Variants in BRF1 observed in about 807,000 individuals in gnomAD.
BRF1 encodes the protein BRF1 general transcription factor IIIB subunit.
In BRF1, 59 loss-of-function variants were observed where a neutral mutation model predicts 81.7. That is an observed-to-expected ratio of 0.72 (90% CI 0.59 to 0.90). The LOEUF (loss-of-function observed/expected upper bound fraction) is 0.90, where lower values mean the gene tolerates loss of function less well. Among genes scored for constraint, BRF1 ranks in the 40% least tolerant of loss-of-function variants. The probability of loss-of-function intolerance (pLI) is 0.00; values close to 1 mark genes in which losing one functional copy is unlikely to be tolerated. For missense variants in BRF1, 1,050 were observed against 936.3 expected (o/e 1.12, Z -1.58); for synonymous variants, 491 against 395.6 (o/e 1.24, Z -2.86).
At chr14:105,267,885 G>A (rs963409953) in intron 3 of BRF1, among the ~76,000 whole-genome samples, 1 of 152,356 alleles carries the variant, frequency 6.6e-6, no homozygotes, top group Non-Finnish European at 1.5e-5. Context: ...CTGAACGGAC[G>A]GTTCTGCAGC....
At chr14:105,226,048 G>A (rs993017742) in intron 10 of BRF1, 21 bp downstream of exon 10, 1 of 1,605,968 alleles carries the variant, frequency 6.2e-7, no homozygotes, top group Non-Finnish European at 8.5e-7. Flanking sequence ...TCTGAATAGG[G>A]GCCGGGCACA....
intron 17 of BRF1, 100 bp downstream of exon 17, chr14:105,211,022 T>G (rs1890030398): frequency 6.6e-7 from 1 of 1,510,620 alleles, no homozygotes; most frequent in African/African-American, 1.4e-5. Context: ...AAACAGAAAT[T>G]TAGTTTGAAG....
intron 3 of BRF1, among the ~76,000 whole-genome samples, chr14:105,260,578 G>A (rs773227457): frequency 4.6e-5 from 7 of 152,012 alleles, no homozygotes; most frequent in African/African-American, 7.3e-5. Context: ...GTTTCACCAT[G>A]TTGGCCGAGC....
At chr14:105,247,154 G>C (rs990156567) in intron 5 of BRF1, 6 of 985,494 alleles carry the variant, frequency 6.1e-6, no homozygotes, top group Non-Finnish European at 7.2e-6. Flanking sequence ...CCCACACTAT[G>C]AAATCGCAGC....
At chr14:105,287,066 C>T (rs1206322631) in intron 1 of BRF1, among the ~76,000 whole-genome samples, 2 of 152,234 alleles carry the variant, frequency 1.3e-5, no homozygotes, top group Non-Finnish European at 2.9e-5. Context: ...CAGAAGGCCC[C>T]CACGCCTCAG....
intron 6 of BRF1, among the ~76,000 whole-genome samples, 156 bp downstream of exon 6, chr14:105,241,109 A>G (rs1241942466): frequency 2.0e-5 from 3 of 152,264 alleles, no homozygotes; most frequent in Non-Finnish European, 4.4e-5. Flanking sequence ...AGGGCTGAGG[A>G]CCCCGGTGGG....
At chr14:105,242,688 T>C (rs587757014) in intron 5 of BRF1, 8 of 121,982 alleles carry the variant, frequency 6.6e-5, no homozygotes, top group African/African-American at 2.6e-4. Context: ...TGAGCTGAGA[T>C]CGCAGCATTG....
chr14:105,312,025 G>A (rs953353226), intron 1 of BRF1, among the ~76,000 whole-genome samples: 3 of 152,334 alleles, frequency 2.0e-5, no homozygotes, highest in Admixed American at 6.5e-5. Flanking sequence ...GGCTGGAGCC[G>A]CCAACTGACC....
intron 2 of BRF1, among the ~76,000 whole-genome samples, chr14:105,278,053 A>C (rs1036560985): frequency 6.6e-6 from 1 of 152,168 alleles, no homozygotes; most frequent in Non-Finnish European, 1.5e-5. Flanking sequence ...GTGCCTGGCC[A>C]AATATGTTAT....
Position 105,211,193 on chromosome 14 carries a change from G to A in BRF1, c.1925C>T (p.Ala642Val). The A allele has an allele frequency of 2.5e-6, 4 of 1,611,982 alleles. No individual in the cohort carries two copies. Among genetic ancestry groups the A allele is most frequent in the Non-Finnish European group, 3.4e-6 (4 of 1,179,782 alleles). ...GPVSYHADEE[A>V]DEEEPDEEDG... ...CTCCTCGTCAGGCTCCTCCTCGTCA[G>A]CCTCCTCGTCGGCGTGGTATGACAC... Residue 642 changes from alanine to valine, a missense_variant, in exon 17 of 18, where the codon GCT (alanine) becomes GTT (valine). By Grantham distance (64) the Ala-to-Val change is moderately conservative. Around this residue, in one of 2 missense-constraint regions of BRF1, gnomAD observed 1,043 missense variants for 915.4 expected, o/e 1.14. Coordinates refer to ENST00000547530, the MANE Select transcript of BRF1 (RefSeq NM_001519.4).
intron 8 of BRF1, 24 bp downstream of exon 8, chr14:105,226,610 G>C: frequency 6.2e-7 from 1 of 1,612,492 alleles, no homozygotes; most frequent in South Asian, 1.1e-5. Flanking sequence ...GCCCAGCACA[G>C]ACAGACACCA....
At chr14:105,244,087 T>C (rs1268662017) in intron 5 of BRF1, among the ~76,000 whole-genome samples, 3 of 152,060 alleles carry the variant, frequency 2.0e-5, no homozygotes, top group African/African-American at 2.4e-5. Context: ...GGTGGGAGGA[T>C]TGCTTGAGCC....
chr14:105,302,529 T>C (rs2058071600), upstream of BRF1, among the ~76,000 whole-genome samples: 1 of 151,030 alleles, frequency 6.6e-6, no homozygotes, highest in African/African-American at 2.4e-5. Flanking sequence ...TGCTCTCATT[T>C]TTGTTAGATC....
intron 1 of BRF1, among the ~76,000 whole-genome samples, chr14:105,312,166 C>T (rs898331648): frequency 3.3e-5 from 5 of 152,218 alleles, no homozygotes; most frequent in African/African-American, 1.2e-4. Flanking sequence ...TGGCGCCCGA[C>T]TGGAAAAGCC....
intron 1 of BRF1, chr14:105,314,631 G>GC: frequency 6.9e-6 from 1 of 143,942 alleles, no homozygotes; most frequent in Admixed American, 6.8e-5. Context: ...GCGAGCTGGC[G>GC]CCCCGCCCAG....
At chr14:105,302,493 G>C (rs867200898), upstream of BRF1, among the ~76,000 whole-genome samples, 2 of 151,748 alleles carry the variant, frequency 1.3e-5, no homozygotes, top group African/African-American at 4.8e-5. Flanking sequence ...ATGAGCCACC[G>C]TGCATGGCCC....
chr14:105,221,882 C>A lies in BRF1; in HGVS notation c.1081G>T (p.Gly361Cys). 2.5e-6 allele frequency: 4 copies of A among 1,600,576 alleles called. No homozygotes were observed. Among genetic ancestry groups the A allele is most frequent in the Non-Finnish European group, 3.4e-6 (4 of 1,174,024 alleles). ...STEDTASSLC[G>C]EEDTEDEELE... is the part of the protein sequence containing the mutation. Reference sequence around the variant, plus strand: ...TCCTCGTCCTCTGTGTCCTCCTCGCCACACAAGCTGGACGCGGTGTCCTCG... The same window carrying A: ...TCCTCGTCCTCTGTGTCCTCCTCGCAACACAAGCTGGACGCGGTGTCCTCG... Residue 361 changes from glycine (G) to cysteine (C), a missense_variant, in exon 11 of 18, where the codon GGC becomes TGC. Gly to Cys is a radical substitution (Grantham distance 159, BLOSUM62 -3). Coordinates refer to ENST00000547530, the MANE Select transcript of BRF1 (RefSeq NM_001519.4).
At chr14:105,248,798 CCGGCGCGGCGCGAGGGCGCGGGGCG>C in intron 5 of BRF1, 1 of 983,128 alleles carries the variant, frequency 1.0e-6, no homozygotes, top group Non-Finnish European at 1.2e-6. Context: ...TCCCGAGGCC[CCGGCGCGGCGCGAGGGCGCGGGGCG>C]CGGCGTCCAC....
At chr14:105,229,088 T>A (rs1202515937) in intron 6 of BRF1, among the ~76,000 whole-genome samples, 175 bp from the exon 7 acceptor site, 1 of 151,376 alleles carries the variant, frequency 6.6e-6, no homozygotes, top group Non-Finnish European at 1.5e-5. Context: ...GACATGACCC[T>A]CTCTATCTTA....
Sources: allele counts gnomAD v4.1 joint callset (sites outside exome capture counted in the v4.1 genomes callset), GRCh38; gene constraint gnomAD v4.1.1; regional missense constraint gnomAD v4.1.1; transcripts MANE v1.5; gene names NCBI Gene and HGNC (gene_info 2026-07-23, HGNC 2026-07-21).